Variants in MVB12B observed in about 807,000 individuals in gnomAD.
MVB12B encodes the protein multivesicular body subunit 12B, also known as ESCRT-I complex subunit MVB12B.
A neutral mutation model predicts 41.6 loss-of-function variants in MVB12B; 16 were observed. The ratio of observed to expected loss-of-function variants is 0.38; its 90% CI spans 0.26 to 0.58. MVB12B has a LOEUF of 0.58. Ranked by LOEUF, MVB12B falls within the 20% of genes least tolerant of loss-of-function variation. MVB12B has a pLI of 0.62. For missense variants in MVB12B, 274 were observed against 380.2 expected, an observed-to-expected ratio of 0.72 and a Z score of 2.32; for synonymous variants, 133 against 139.7, an observed-to-expected ratio of 0.95 and a Z score of 0.34.
At chr9:126,488,558 AGGAAGGGGGGTCCACCCATTTAC>A (rs1833669889) in intron 9 of MVB12B, among the ~76,000 whole-genome samples, 3 of 152,004 alleles carry the variant, frequency 2.0e-5, no homozygotes, top group Non-Finnish European at 4.4e-5. Flanking sequence ...ACCACGTGGG[AGGAAGGGGGGTCCACCCATTTAC>A]GGAAGTCTGG....
At position 126,326,986 on chromosome 9, in the gene MVB12B, G is replaced by T; in HGVS notation, c.57G>T (p.Pro19=). Residue 19 remains proline (P), a synonymous_variant, in exon 1 of 10, where the codon CCG becomes CCT. Transcript: ENST00000361171. ...GGGACCCGCCGCCGCCGCAGCCACC[G>T]CCGCCGCCGCCCCAGCGGGGAACAG... ...RSRDPPPPQP[P]PPPPQRGTDQ... is the part of the protein sequence containing the mutation. 4.2e-6 allele frequency: 1 copy of T among 239,410 alleles called. No individual in the cohort carries two copies. The highest frequency in any genetic ancestry group is 3.9e-5 in the South Asian group (1 of 25,652). The allele number at this position is 239,410 out of a possible 1,614,324, so 14.8% of individuals were successfully genotyped here. A position where few individuals can be genotyped will look rare whatever the true frequency, so the allele number is the denominator to read the frequency against.
rs972554159 is a variant in MVB12B at position 126,327,211 on chromosome 9, T to G, written c.81+201T>G. Reference sequence around the variant, plus strand: ...TGCAGAGCCCCGAGCGCGCCGCGGCTGCCGGTGCCCGGGCTCGGCCTGGCG... The same window carrying G: ...TGCAGAGCCCCGAGCGCGCCGCGGCGGCCGGTGCCCGGGCTCGGCCTGGCG... On this transcript the variant is annotated intron_variant, in intron 1 of 9. Transcript: ENST00000361171. 4.1e-6 allele frequency: 4 copies of G among 981,032 alleles called. No individual in the cohort carries two copies. The African/African-American group carries it at 7.0e-5, about 17-fold the overall frequency. The allele number at this position is 981,032 out of a possible 1,614,324, so 60.8% of individuals were successfully genotyped here.
At chr9:126,413,951 G>T (rs1421779529) in intron 6 of MVB12B, among the ~76,000 whole-genome samples, 2 of 152,096 alleles carry the variant, frequency 1.3e-5, no homozygotes, top group African/African-American at 4.8e-5. Flanking sequence ...TTGACAGTCT[G>T]GGAGGACAGC....
In MVB12B at chr9:126,345,569, G is replaced by T. The variant is rs149296277; in HGVS notation, c.204+4939G>T. Among the ~76,000 whole-genome samples, 213 of 152,344 alleles carry T rather than the reference G, an allele frequency of 1.4e-3. 2 individuals carry two copies. The highest frequency in any genetic ancestry group is 4.9e-3 in the African/African-American group (204 of 41,576). ...AAAGGCCTGATGATAATAAGCATAGGTTTCAGTGGCAGGCAAGGAGCCACT... is the reference window on the plus strand; with the variant it reads ...AAAGGCCTGATGATAATAAGCATAGTTTTCAGTGGCAGGCAAGGAGCCACT... On this transcript the variant is annotated intron_variant, in intron 2 of 9. Transcript: ENST00000361171.
At chr9:126,394,210 C>T (rs1831040978) in intron 5 of MVB12B, among the ~76,000 whole-genome samples, 1 of 152,160 alleles carries the variant, frequency 6.6e-6, no homozygotes, top group South Asian at 2.1e-4. Flanking sequence ...ACTTCAGGCA[C>T]CTCAGAAGCA....
At chr9:126,498,185 T>C (rs1467707553) in intron 9 of MVB12B, among the ~76,000 whole-genome samples, 1 of 152,102 alleles carries the variant, frequency 6.6e-6, no homozygotes, top group Non-Finnish European at 1.5e-5. Flanking sequence ...GGCTTTAGGA[T>C]TTTAGAAACA....
chr9:126,354,604 T>C (rs1829833385), intron 2 of MVB12B, among the ~76,000 whole-genome samples: 1 of 152,226 alleles, frequency 6.6e-6, no homozygotes, highest in Admixed American at 6.5e-5. Context: ...TTAGATGTCA[T>C]GTGCCTGCTG....
chr9:126,338,327 A>G (rs1418073360), intron 1 of MVB12B, among the ~76,000 whole-genome samples: 2 of 152,220 alleles, frequency 1.3e-5, no homozygotes, highest in Non-Finnish European at 2.9e-5. Context: ...CTGGGCCGCC[A>G]CAGGGCATTG....
chr9:126,356,839 C>A (rs1829893811), intron 2 of MVB12B, among the ~76,000 whole-genome samples: 2 of 152,036 alleles, frequency 1.3e-5, no homozygotes, highest in African/African-American at 4.8e-5. Flanking sequence ...CTGGCCATGT[C>A]ACATGCCTGC....
intron 9 of MVB12B, among the ~76,000 whole-genome samples, chr9:126,496,031 G>A (rs186494601): frequency 1.3e-3 from 197 of 152,208 alleles, no homozygotes; most frequent in Non-Finnish European, 2.1e-3. Flanking sequence ...GGGGCCCCAG[G>A]GCTGTGCAGG....
At chr9:126,488,093 C>T (rs1277764860) in intron 9 of MVB12B, among the ~76,000 whole-genome samples, 1 of 152,112 alleles carries the variant, frequency 6.6e-6, no homozygotes, top group Non-Finnish European at 1.5e-5. Context: ...CCACTGAACT[C>T]GGCATTGCTC....
Position 126,340,487 on chromosome 9 carries a change from C to T in MVB12B, c.82-21C>T. 6.2e-7 allele frequency: 1 copy of T among 1,611,742 alleles called. No individual in the cohort carries two copies. The highest frequency in any genetic ancestry group is 8.5e-7 in the Non-Finnish European group (1 of 1,178,922). The stretch of plus-strand genomic sequence containing the variant: ...ATGCTATGTTTGAATTTTGTGTTTT[C>T]TTTTTCCTTTGCTGAACCAGGACCA... On this transcript the variant is annotated intron_variant, in intron 1 of 9. Transcript: ENST00000361171. This position sits in a 1 kb window ranked among gnomAD's most constrained non-coding sequence, Gnocchi z 4.0.
At chr9:126,475,249 C>G (rs1833399036) in intron 7 of MVB12B, among the ~76,000 whole-genome samples, 1 of 152,164 alleles carries the variant, frequency 6.6e-6, no homozygotes, top group Non-Finnish European at 1.5e-5. Context: ...GGCTTCCCAT[C>G]AGGCGTGCAT....
chr9:126,375,459 T>C (rs547202583), intron 2 of MVB12B, among the ~76,000 whole-genome samples: 4 of 147,886 alleles, frequency 2.7e-5, no homozygotes, highest in Admixed American at 2.6e-4. Context: ...TCCCTATTTC[T>C]TTCGAACGAG....
intron 9 of MVB12B, among the ~76,000 whole-genome samples, chr9:126,489,146 A>C (rs765267396): frequency 2.0e-5 from 3 of 152,204 alleles, no homozygotes; most frequent in Non-Finnish European, 4.4e-5. Context: ...GCCCTGGAGA[A>C]CTGGAAGGGG....
chr9:126,496,024 G>T (rs977431650), intron 9 of MVB12B, among the ~76,000 whole-genome samples: 2 of 152,094 alleles, frequency 1.3e-5, no homozygotes, highest in Admixed American at 1.3e-4. Context: ...ATGCCCAGGG[G>T]CCCCAGGGCT....
intron 2 of MVB12B, among the ~76,000 whole-genome samples, chr9:126,365,445 G>T (rs1830151149): frequency 6.6e-6 from 1 of 150,844 alleles, no homozygotes; most frequent in Non-Finnish European, 1.5e-5. Context: ...TGATTCTCCT[G>T]TCTCAGCCTC....
intron 9 of MVB12B, among the ~76,000 whole-genome samples, chr9:126,493,138 G>T (rs1833768252): frequency 6.6e-6 from 1 of 151,946 alleles, no homozygotes; most frequent in Admixed American, 6.6e-5. Flanking sequence ...GTTTATTTGG[G>T]CTTTGTGTCA....
chr9:126,355,363 C>T (rs1158414092), intron 2 of MVB12B, among the ~76,000 whole-genome samples: 2 of 152,208 alleles, frequency 1.3e-5, no homozygotes, highest in Non-Finnish European at 2.9e-5. Flanking sequence ...GGCCCACGTG[C>T]ATAGAGGTTG....
Sources: gnomAD v4.1 joint callset for allele counts (sites outside exome capture counted in the v4.1 genomes callset) on GRCh38, gnomAD v4.1.1 for gene constraint, Gnocchi (gnomAD v3.1) non-coding constraint, MANE v1.5 for transcripts, NCBI Gene and HGNC (gene_info 2026-07-23, HGNC 2026-07-21) for gene names.